Variants in DAPK2 observed in about 807,000 individuals in gnomAD.
DAPK2 encodes death associated protein kinase 2.
In DAPK2, 35 loss-of-function variants were observed where a neutral mutation model predicts 44.1. That is an observed-to-expected ratio of 0.79 (90% CI 0.61 to 1.05). The LOEUF (loss-of-function observed/expected upper bound fraction) is 1.05. Ranked by LOEUF, DAPK2 falls within the 50% of genes least tolerant of loss-of-function variation. DAPK2 has a pLI of 0.00. For missense variants in DAPK2, 453 were observed against 483.2 expected (o/e 0.94, Z 0.59); for synonymous variants, 174 against 182.6 (o/e 0.95, Z 0.38).
intron 8 of DAPK2, among the ~76,000 whole-genome samples, chr15:63,913,502 G>A (rs1310414346): frequency 6.6e-6 from 1 of 152,174 alleles, no homozygotes; most frequent in Non-Finnish European, 1.5e-5. Context: ...GTCCCGGGCA[G>A]CTCTGGTTTT....
intron 3 of DAPK2, among the ~76,000 whole-genome samples, chr15:63,940,915 G>T (rs1355423077): frequency 6.6e-6 from 1 of 152,056 alleles, no homozygotes; most frequent in East Asian, 1.9e-4. Flanking sequence ...AGTCCCCTAG[G>T]ATTGGGGGAA....
At position 64,020,630 on chromosome 15, in the gene DAPK2, C is replaced by T. The variant is rs1034334911; in HGVS notation, c.92+19540G>A. ...CAAAAGAGACACACCCATTTGATAG[C>T]GAAAAGAAATCTAGGCTTAAAGAAA... On this transcript the variant is annotated intron_variant, in intron 1 of 10. Transcript: ENST00000261891. The surrounding 1 kb of genome is among the most constrained non-coding windows in gnomAD (Gnocchi z 4.5). Among the ~76,000 whole-genome samples the T allele has an allele frequency of 3.9e-5, 6 of 151,988 alleles. No homozygotes were observed. The highest frequency in any genetic ancestry group is 7.3e-5 in the African/African-American group (3 of 41,344).
intron 1 of DAPK2, among the ~76,000 whole-genome samples, chr15:63,998,381 G>A (rs2079002336): frequency 6.6e-6 from 1 of 152,198 alleles, no homozygotes; most frequent in African/African-American, 2.4e-5. Flanking sequence ...GGGACAGAGG[G>A]AGAAGCCAGG....
chr15:63,946,797 G>A (rs997447506), intron 3 of DAPK2, among the ~76,000 whole-genome samples: 1 of 152,192 alleles, frequency 6.6e-6, no homozygotes, highest in African/African-American at 2.4e-5. Flanking sequence ...CAGAGGCCCA[G>A]CCAGGGCTGT....
At position 63,939,098 on chromosome 15, in the gene DAPK2, A is replaced by G. The variant is rs2077238222; in HGVS notation, c.583+134T>C. The G allele has an allele frequency of 6.9e-7, 1 of 1,457,994 alleles. No individual in the cohort carries two copies. The highest frequency in any genetic ancestry group is 1.4e-5 in the African/African-American group (1 of 70,618). 90.3% of individuals were successfully genotyped at this position (1,457,994 alleles called of 1,614,324 possible). On this transcript the variant is annotated intron_variant, in intron 4 of 10. Coordinates refer to ENST00000261891, the Ensembl canonical transcript of DAPK2. The surrounding 1 kb of genome is among the most constrained non-coding windows in gnomAD (Gnocchi z 4.3). ...CAATAAGACATTTCCTTCCCCACCC[A>G]TTAGGTTTCTAGAGATGTCCCAATG...
intron 6 of DAPK2, 115 bp downstream of exon 7, chr15:63,929,436 T>C: frequency 1.5e-6 from 2 of 1,365,104 alleles, no homozygotes; most frequent in East Asian, 2.3e-5. Flanking sequence ...ACTTAACACA[T>C]CTGGATTATG....
intron 3 of DAPK2, among the ~76,000 whole-genome samples, chr15:63,948,094 C>G (rs772205625): frequency 6.6e-6 from 1 of 151,746 alleles, no homozygotes; most frequent in African/African-American, 2.4e-5. Context: ...ATAGCGAAAC[C>G]CCATCTCTAA....
At chr15:63,925,852 T>A in intron 7 of DAPK2, 89 bp downstream of exon 8, 13 of 1,543,666 alleles carry the variant, frequency 8.4e-6, no homozygotes, top group Non-Finnish European at 1.2e-5. Flanking sequence ...GACAGCTATG[T>A]CAAAGTGGGG....
At chr15:63,976,287 T>C (rs967943049) in intron 2 of DAPK2, among the ~76,000 whole-genome samples, 1 of 152,248 alleles carries the variant, frequency 6.6e-6, no homozygotes, top group Non-Finnish European at 1.5e-5. Context: ...AATAGAGGAA[T>C]TGAATTTTAA....
chr15:63,913,201 G>T (rs2078841148), intron 8 of DAPK2, among the ~76,000 whole-genome samples: 1 of 152,128 alleles, frequency 6.6e-6, no homozygotes, highest in Non-Finnish European at 1.5e-5. Flanking sequence ...GCTAGGGAAA[G>T]GGGAAAACAG....
intron 2 of DAPK2, among the ~76,000 whole-genome samples, chr15:63,977,227 T>A (rs1355040590): frequency 1.3e-5 from 2 of 152,214 alleles, no homozygotes; most frequent in Non-Finnish European, 2.9e-5. Flanking sequence ...GGGTGTGGCC[T>A]AAGGTGGCTG....
At chr15:63,965,828 C>T (rs906927012) in intron 3 of DAPK2, among the ~76,000 whole-genome samples, 3 of 152,164 alleles carry the variant, frequency 2.0e-5, no homozygotes, top group Non-Finnish European at 2.9e-5. Flanking sequence ...TACTGCCAGG[C>T]GTGGGACTCT....
rs1272309905 is a variant in DAPK2, at chr15:63,991,156, T to C, written c.93-7402A>G. The C allele has an allele frequency of 5.2e-5, 23 of 444,424 alleles. No individual in the cohort carries two copies. In the Admixed American group the frequency reaches 5.7e-4, roughly 11 times the overall value. The allele number at this position is 444,424 out of a possible 1,614,324, so 27.5% of individuals were successfully genotyped here. ...AAAACAGAGTGAAGAAATATAACGT[T>C]ATCTGAGGTCAGAGCAGGAAACAGG... is the stretch of plus-strand genomic sequence containing the variant. On this transcript the variant is annotated intron_variant, in intron 1 of 10. Transcript: ENST00000261891.
chr15:64,024,185 A>T (rs2079769402), intron 1 of DAPK2, among the ~76,000 whole-genome samples: 1 of 152,218 alleles, frequency 6.6e-6, no homozygotes, highest in African/African-American at 2.4e-5. Context: ...CCCAAGCCTT[A>T]GGTGAAAATC....
chr15:63,956,590 ATT>A (rs1006073091), intron 3 of DAPK2, among the ~76,000 whole-genome samples: 2 of 143,768 alleles, frequency 1.4e-5, no homozygotes, highest in Admixed American at 7.0e-5. Flanking sequence ...TTCAATTTAA[ATT>A]TTTTTTTTTT....
At chr15:63,962,018 T>A (rs980390786) in intron 3 of DAPK2, among the ~76,000 whole-genome samples, 3 of 152,230 alleles carry the variant, frequency 2.0e-5, no homozygotes, top group Non-Finnish European at 4.4e-5. Context: ...GTAGTCCATA[T>A]TTCTTGGAGG....
chr15:63,993,410 A>G (rs2078868572), intron 1 of DAPK2, among the ~76,000 whole-genome samples: 1 of 152,084 alleles, frequency 6.6e-6, no homozygotes. Context: ...GTATGTGAAT[A>G]TGGATGGTGT....
chr15:63,952,604 G>A (rs2077620742), intron 3 of DAPK2, among the ~76,000 whole-genome samples: 1 of 151,824 alleles, frequency 6.6e-6, no homozygotes, highest in South Asian at 2.1e-4. Context: ...GGCTAACAAG[G>A]ACTCATCACA....
At chr15:63,963,180 G>A (rs955937767) in intron 3 of DAPK2, among the ~76,000 whole-genome samples, 4 of 152,196 alleles carry the variant, frequency 2.6e-5, no homozygotes, top group Admixed American at 6.5e-5. Context: ...CTGGTGTGCC[G>A]TTTGCTAAGG....
Sources: allele counts gnomAD v4.1 joint callset (sites outside exome capture counted in the v4.1 genomes callset), GRCh38; gene constraint gnomAD v4.1.1; non-coding constraint Gnocchi (gnomAD v3.1); transcripts MANE v1.5; gene names NCBI Gene and HGNC (gene_info 2026-07-23, HGNC 2026-07-21).